Variants in CEP112 observed in about 807,000 individuals in gnomAD.
CEP112 encodes the protein centrosomal protein of 112 kDa.
Under a neutral mutation model 153.0 loss-of-function variants are expected in CEP112, and 127 were observed. The ratio of observed to expected loss-of-function variants is 0.83; its 90% CI spans 0.72 to 0.96. CEP112 has a LOEUF of 0.96. CEP112 is among the 40% of genes least tolerant of loss of function. The pLI is 0.00. For synonymous variants in CEP112, 358 were observed against 374.4 expected (o/e 0.96, Z 0.51); for missense variants, 1,089 against 1,101.2 (o/e 0.99, Z 0.16).
At chr17:65,683,311 T>G (rs1486808455) in intron 24 of CEP112, among the ~76,000 whole-genome samples, 2 of 152,236 alleles carry the variant, frequency 1.3e-5, no homozygotes, top group Non-Finnish European at 2.9e-5. Context: ...AAAGTGTGAC[T>G]TTTAGCTATT....
At chr17:66,168,258 C>T (rs942604510) in intron 4 of CEP112, among the ~76,000 whole-genome samples, 1 of 152,118 alleles carries the variant, frequency 6.6e-6, no homozygotes, top group African/African-American at 2.4e-5. Context: ...ATTCCCTGCA[C>T]ACGAACACAT....
At chr17:65,997,684 G>GTCTTTATTAT (rs2063839925) in intron 17 of CEP112, among the ~76,000 whole-genome samples, 1 of 151,602 alleles carries the variant, frequency 6.6e-6, no homozygotes, top group Non-Finnish European at 1.5e-5. Flanking sequence ...TTATTGGTTT[G>GTCTTTATTAT]TCTTTATTAT....
intron 21 of CEP112, among the ~76,000 whole-genome samples, chr17:65,834,978 ATG>A (rs1239781770): frequency 6.6e-6 from 1 of 152,164 alleles, no homozygotes; most frequent in African/African-American, 2.4e-5. Context: ...GATAAAGACA[ATG>A]TGATACATAT....
chr17:66,135,183 G>C (rs80084910), intron 4 of CEP112, among the ~76,000 whole-genome samples: 279 of 152,284 alleles, frequency 1.8e-3, no homozygotes, highest in African/African-American at 6.3e-3. Flanking sequence ...AAGTAATGGA[G>C]AGGCATTGCA....
chr17:65,846,936 G>A (rs185235637), intron 21 of CEP112, among the ~76,000 whole-genome samples: 195 of 152,254 alleles, frequency 1.3e-3, no homozygotes, highest in African/African-American at 4.4e-3. Flanking sequence ...AGGGAATTCG[G>A]AGTCCAGGTC....
At chr17:66,069,161 T>C (rs1371843395) in intron 9 of CEP112, among the ~76,000 whole-genome samples, 4 of 152,020 alleles carry the variant, frequency 2.6e-5, no homozygotes, top group Non-Finnish European at 5.9e-5. Context: ...ACTACCTGCC[T>C]CTGTCTCTAG....
chr17:65,847,274 C>T (rs577549160), intron 21 of CEP112, among the ~76,000 whole-genome samples: 1 of 152,162 alleles, frequency 6.6e-6, no homozygotes, highest in Non-Finnish European at 1.5e-5. Context: ...GTTCTCACTT[C>T]AATCCAGGAG....
chr17:65,779,895 T>C (rs1598559783), intron 21 of CEP112, among the ~76,000 whole-genome samples: 1 of 152,118 alleles, frequency 6.6e-6, no homozygotes, highest in Non-Finnish European at 1.5e-5. Context: ...ATACTGGACC[T>C]ACTGAGTTTT....
intron 18 of CEP112, among the ~76,000 whole-genome samples, chr17:65,952,396 T>C (rs1012084822): frequency 6.6e-6 from 1 of 152,048 alleles, no homozygotes; most frequent in Non-Finnish European, 1.5e-5. Flanking sequence ...TCTGCTTGCA[T>C]ATTCTTTCAT....
At chr17:66,176,776 TG>T in intron 3 of CEP112, 53 bp downstream of exon 3, 1 of 1,369,188 alleles carries the variant, frequency 7.3e-7, no homozygotes, top group Admixed American at 2.3e-5. Flanking sequence ...GATGATAACT[TG>T]ACGCTTTTTT....
At chr17:65,795,462 A>C (rs934558490) in intron 21 of CEP112, among the ~76,000 whole-genome samples, 6 of 152,162 alleles carry the variant, frequency 3.9e-5, no homozygotes, top group African/African-American at 1.2e-4. Context: ...CAGACTCCAA[A>C]ATTCTAGACT....
At chr17:66,019,450 C>T (rs1443281) in intron 16 of CEP112, among the ~76,000 whole-genome samples, 149,858 of 152,290 alleles carry the variant, frequency 0.98, 73,782 homozygotes, top group Middle Eastern at 1. Context: ...CATCAAAACT[C>T]CAAGGCTTGA....
At chr17:65,895,545 G>A (rs2059630149) in intron 20 of CEP112, among the ~76,000 whole-genome samples, 2 of 152,056 alleles carry the variant, frequency 1.3e-5, no homozygotes, top group South Asian at 2.1e-4. Context: ...GGGGAGCAGA[G>A]TACCAGTGTC....
chr17:66,181,690 G>A (rs1284226729), intron 2 of CEP112, among the ~76,000 whole-genome samples: 1 of 152,094 alleles, frequency 6.6e-6, no homozygotes, highest in Non-Finnish European at 1.5e-5. Flanking sequence ...AAAATATGGG[G>A]ATGGTTTGAT....
intron 23 of CEP112, among the ~76,000 whole-genome samples, chr17:65,728,296 G>A (rs957556979): frequency 3.3e-5 from 5 of 152,176 alleles, no homozygotes; most frequent in East Asian, 1.9e-4. Flanking sequence ...GAGAAGAGGC[G>A]ATAGGTTACT....
At chr17:65,999,737 T>C (rs2063941937) in intron 17 of CEP112, among the ~76,000 whole-genome samples, 3 of 151,316 alleles carry the variant, frequency 2.0e-5, no homozygotes, top group Non-Finnish European at 4.4e-5. Context: ...CATCCTGCCA[T>C]AGGACCCAGT....
intron 11 of CEP112, among the ~76,000 whole-genome samples, chr17:66,054,419 G>A (rs1330535467): frequency 1.3e-5 from 2 of 152,246 alleles, no homozygotes; most frequent in African/African-American, 4.8e-5. Context: ...AACAATATGG[G>A]TAGGATGACT....
chr17:66,172,384 T>G (rs1477062853), intron 4 of CEP112, among the ~76,000 whole-genome samples: 6 of 152,190 alleles, frequency 3.9e-5, no homozygotes, highest in Non-Finnish European at 5.9e-5. Context: ...AAGGCTTTTT[T>G]CACGTTGCAA....
intron 1 of CEP112, among the ~76,000 whole-genome samples, chr17:66,185,522 A>C (rs2072893744): frequency 6.6e-6 from 1 of 152,212 alleles, no homozygotes; most frequent in South Asian, 2.1e-4. Context: ...CGCCCCGCCA[A>C]ATTTAAACTT....
Sources: allele counts gnomAD v4.1 joint callset (sites outside exome capture counted in the v4.1 genomes callset), GRCh38; gene constraint gnomAD v4.1.1; transcripts MANE v1.5; gene names NCBI Gene and HGNC (gene_info 2026-07-23, HGNC 2026-07-21).